ADSS2: variants seen among roughly 807,000 people sequenced by gnomAD.
ADSS2 encodes adenylosuccinate synthase 2, also known as adenylosuccinate synthetase isozyme 2.
A neutral mutation model predicts 60.0 loss-of-function variants in ADSS2; 30 were observed. That is an observed-to-expected ratio of 0.50 (90% CI 0.37 to 0.68). The LOEUF (loss-of-function observed/expected upper bound fraction) is 0.68. Ranked by LOEUF, ADSS2 falls within the 30% of genes least tolerant of loss-of-function variation. The pLI, the probability that ADSS2 is intolerant of heterozygous loss-of-function variation, is 0.00. For missense variants in ADSS2, 373 were observed against 554.8 expected (o/e 0.67, Z 3.29); for synonymous variants, 187 against 193.1 (o/e 0.97, Z 0.26).
intron 11 of ADSS2, among the ~76,000 whole-genome samples, chr1:244,412,723 T>C (rs1664441865): frequency 6.6e-6 from 1 of 152,132 alleles, no homozygotes; most frequent in African/African-American, 2.4e-5. Flanking sequence ...ATCCAGCAAG[T>C]TTGCTATGGC....
chr1:244,447,149 TACA>T (rs984952555), intron 1 of ADSS2, among the ~76,000 whole-genome samples: 12 of 152,316 alleles, frequency 7.9e-5, no homozygotes, highest in Non-Finnish European at 1.3e-4. Context: ...CTAAAAGTAT[TACA>T]ATAGTCACCA....
intron 4 of ADSS2, among the ~76,000 whole-genome samples, chr1:244,430,743 T>C (rs1470447283): frequency 6.6e-6 from 1 of 152,206 alleles, no homozygotes; most frequent in African/African-American, 2.4e-5. Flanking sequence ...TAATGAGTAG[T>C]AAGTGTAAGC....
At position 244,444,628 on chromosome 1, in the gene ADSS2, T is replaced by C. The variant is rs1318184506; in HGVS notation, c.184-6860A>G. 4.0e-5 allele frequency among the ~76,000 whole-genome samples: 6 copies of C among 150,716 alleles called. No individual in the cohort carries two copies. The South Asian group carries it at 8.3e-4, about 21-fold the overall frequency. On this transcript the variant is annotated intron_variant, in intron 1 of 12. Transcript: ENST00000366535. ...AGCTATGAAATAAACTGGAACATCATGATAGAAACAAAAAGCAGGACTAAA... is the reference window on the plus strand; with the variant it reads ...AGCTATGAAATAAACTGGAACATCACGATAGAAACAAAAAGCAGGACTAAA...
In ADSS2 at chr1:244,415,993, G is replaced by T; in HGVS notation, c.1156C>A (p.Pro386Thr). Residue 386 changes from proline to threonine, a missense_variant, in exon 11 of 13, where the codon CCT (proline) becomes ACT (threonine). Pro to Thr is a conservative substitution (Grantham distance 38). This residue lies in a region of ADSS2 where 130 missense variants were observed against 169.4 expected (regional missense o/e 0.77). Transcript: ENST00000366535. ...TAAAAGAAAATACCTGGGATATGAG[G>T]TATGATTTCACCATCTAACTTGTAA... is the stretch of plus-strand genomic sequence containing the variant. ...VAYKLDGEII[P>T]HIPANQEVLN... 6.2e-7 allele frequency: 1 copy of T among 1,609,250 alleles called. No homozygotes were observed. The highest frequency in any genetic ancestry group is 8.5e-7 in the Non-Finnish European group (1 of 1,175,932).
intron 8 of ADSS2, among the ~76,000 whole-genome samples, chr1:244,419,758 C>T (rs1396055421): frequency 2.0e-5 from 3 of 152,108 alleles, no homozygotes; most frequent in South Asian, 2.1e-4. Flanking sequence ...GAGTCTCATG[C>T]CCAGGGAGTT....
At chr1:244,445,703 T>A (rs1313261971) in intron 1 of ADSS2, among the ~76,000 whole-genome samples, 4 of 151,994 alleles carry the variant, frequency 2.6e-5, no homozygotes, top group Non-Finnish European at 5.9e-5. Context: ...CAAAAGTGAC[T>A]CTTGATTCTT....
intron 1 of ADSS2, among the ~76,000 whole-genome samples, chr1:244,440,645 GC>G (rs1453305120): frequency 6.6e-6 from 1 of 152,152 alleles, no homozygotes; most frequent in Admixed American, 6.5e-5. Flanking sequence ...AAAATGTGAA[GC>G]CTTTCTCATA....
At chr1:244,439,066 G>A (rs1665171886) in intron 1 of ADSS2, among the ~76,000 whole-genome samples, 2 of 151,872 alleles carry the variant, frequency 1.3e-5, no homozygotes, top group Non-Finnish European at 2.9e-5. Flanking sequence ...CCAGCGTTTG[G>A]TAACCATCCT....
chr1:244,420,997 T>C (rs3127456), intron 7 of ADSS2, among the ~76,000 whole-genome samples: 34,144 of 152,166 alleles, frequency 0.22, 4,192 homozygotes, highest in Middle Eastern at 0.3. Context: ...CCATGAATTT[T>C]GAAACTTGCA....
chr1:244,435,191 A>AC (rs1665062604), intron 3 of ADSS2, among the ~76,000 whole-genome samples: 1 of 145,956 alleles, frequency 6.9e-6, no homozygotes, highest in South Asian at 2.1e-4. Flanking sequence ...AAAAAAAAAA[A>AC]AAAAAACAAA....
intron 4 of ADSS2, among the ~76,000 whole-genome samples, chr1:244,428,415 C>A (rs755269935): frequency 6.6e-6 from 1 of 151,302 alleles, no homozygotes; most frequent in Non-Finnish European, 1.5e-5. Flanking sequence ...ATAATATTTG[C>A]GGAATATCGC....
At chr1:244,413,899 A>G (rs527553263) in intron 11 of ADSS2, among the ~76,000 whole-genome samples, 117 of 152,278 alleles carry the variant, frequency 7.7e-4, no homozygotes, top group Admixed American at 1.2e-3. Flanking sequence ...GCTGCTCTTT[A>G]AGAATAAAAG....
chr1:244,413,995 T>G (rs1487059858), intron 11 of ADSS2, among the ~76,000 whole-genome samples: 1 of 152,178 alleles, frequency 6.6e-6, no homozygotes, highest in Non-Finnish European at 1.5e-5. Flanking sequence ...TCCTGGAAAC[T>G]GACTCATACC....
At chr1:244,447,929 G>A (rs1244534494) in intron 1 of ADSS2, among the ~76,000 whole-genome samples, 1 of 152,080 alleles carries the variant, frequency 6.6e-6, no homozygotes, top group East Asian at 1.9e-4. Context: ...AATAAGAAAA[G>A]GAAGAAGTCT....
intron 1 of ADSS2, among the ~76,000 whole-genome samples, chr1:244,450,693 A>C (rs1260645422): frequency 1.3e-5 from 2 of 152,278 alleles, no homozygotes; most frequent in Middle Eastern, 3.4e-3. Context: ...GAAACTGGAG[A>C]GAGTTATCTG....
intron 4 of ADSS2, among the ~76,000 whole-genome samples, chr1:244,428,965 C>T (rs1190236210): frequency 1.3e-5 from 2 of 152,148 alleles, no homozygotes; most frequent in Admixed American, 6.5e-5. Flanking sequence ...CAACCTCACA[C>T]ATAACTTTCA....
intron 11 of ADSS2, among the ~76,000 whole-genome samples, chr1:244,414,367 A>G (rs894847535): frequency 6.6e-6 from 1 of 152,240 alleles, no homozygotes; most frequent in Non-Finnish European, 1.5e-5. Context: ...ATCTCAGTAG[A>G]GAAATAGGAA....
rs540920485 is a variant in ADSS2, at chr1:244,450,497, G to C, written c.183+1138C>G. Among the ~76,000 whole-genome samples the C allele has an allele frequency of 2.6e-5, 4 of 152,292 alleles. No homozygotes were observed. In the South Asian group the frequency reaches 6.2e-4, roughly 24 times the overall value. ...ACATACCTGTGATTTCATTGTTTCTGCATGCTCAAAATGGTATTCAAGGGG... is the reference window on the plus strand; with the variant it reads ...ACATACCTGTGATTTCATTGTTTCTCCATGCTCAAAATGGTATTCAAGGGG... On this transcript the variant is annotated intron_variant, in intron 1 of 12. Coordinates refer to ENST00000366535, the MANE Select transcript of ADSS2 (RefSeq NM_001126.5).
intron 8 of ADSS2, 125 bp from the exon 9 acceptor site, chr1:244,419,039 C>T (rs2147992481): frequency 4.6e-6 from 4 of 875,370 alleles, no homozygotes; most frequent in East Asian, 2.8e-5. Flanking sequence ...ACTGTAACTG[C>T]CCTCTCAAAG....
Sources: allele counts gnomAD v4.1 joint callset (sites outside exome capture counted in the v4.1 genomes callset), GRCh38; gene constraint gnomAD v4.1.1; regional missense constraint gnomAD v4.1.1; transcripts MANE v1.5; gene names NCBI Gene and HGNC (gene_info 2026-07-23, HGNC 2026-07-21).